The following LMO7 variants were observed in gnomAD, a reference collection of about 807,000 sequenced individuals.
LMO7 encodes the protein LIM domain only protein 7.
Under a neutral mutation model 206.5 loss-of-function variants are expected in LMO7, and 120 were observed. The observed-to-expected ratio is 0.58, with a 90% CI of 0.50 to 0.68. The LOEUF (loss-of-function observed/expected upper bound fraction) is 0.68, where lower values mean the gene tolerates loss of function less well. LMO7 is among the 30% of genes least tolerant of loss of function. LMO7 has a pLI of 0.00. For missense variants in LMO7, 1,959 were observed against 1,957.9 expected (o/e 1.00, Z -0.01); for synonymous variants, 706 against 681.5 (o/e 1.04, Z -0.56).
At chr13:75,648,931 A>C (rs2037298202) in intron 1 of LMO7, among the ~76,000 whole-genome samples, 1 of 152,226 alleles carries the variant, frequency 6.6e-6, no homozygotes, top group South Asian at 2.1e-4. Flanking sequence ...GGTGGACAGC[A>C]AAGCTACAGG....
At position 75,658,060 on chromosome 13, in the gene LMO7, C is replaced by CT. The variant is rs989741786; in HGVS notation, c.69+21345dup. Among the ~76,000 whole-genome samples the CT allele has an allele frequency of 6.0e-4, 87 of 143,890 alleles. 1 individual carries two copies. The highest frequency in any genetic ancestry group is 3.6e-3 in the Admixed American group (52 of 14,442). The allele number at this position is 143,890 out of a possible 152,430, so 94.4% of individuals were successfully genotyped here. ...CCAACCTTTCCCAGCACCGTTTTGGCTTTTTTTTTTTCCCCTTCAGTTTTC... is the reference window on the plus strand; with the variant it reads ...CCAACCTTTCCCAGCACCGTTTTGGCTTTTTTTTTTTTCCCCTTCAGTTTTC... On this transcript the variant is annotated intron_variant, in intron 1 of 30. Coordinates refer to ENST00000377534, the MANE Select transcript of LMO7 (RefSeq NM_001306080.2).
intron 1 of LMO7, chr13:75,623,266 C>A (rs766342996): frequency 2.9e-6 from 4 of 1,368,618 alleles, no homozygotes; most frequent in East Asian, 2.3e-5. Context: ...TGACTTTTTA[C>A]ACAGATATAA....
rs2055353987 is a variant in LMO7, at chr13:75,805,675, A to G, written c.1111A>G (p.Lys371Glu). 2 of 1,614,054 alleles carry G rather than the reference A, an allele frequency of 1.2e-6. No homozygotes were observed. Residue 371 changes from lysine to glutamate, a missense_variant, in exon 9 of 31, where the codon AAA becomes GAA. Lys to Glu is a moderately conservative substitution (Grantham distance 56). Transcript: ENST00000377534. Reference protein sequence around the residue: ...PGNAFDQFLPKCWTPEDVNWK... With the variant: ...PGNAFDQFLPECWTPEDVNWK... Reference sequence around the variant, plus strand: ...GAATGCTTTTGATCAGTTTCTTCCCAAATGTTGGACCCCAGAAGATGTGAA... The same window carrying G: ...GAATGCTTTTGATCAGTTTCTTCCCGAATGTTGGACCCCAGAAGATGTGAA...
rs532408196 is a variant in LMO7 at position 75,768,417 on chromosome 13, GAACA to G, written c.317+7380_317+7383del. On this transcript the variant is annotated intron_variant, in intron 4 of 30. Transcript: ENST00000377534. ...TAGAATAGCAAAGCTGGAGAACAGA[GAACA>G]GACAGCTAAGTTATTTGCTCTTGCC... is the stretch of plus-strand genomic sequence containing the variant. 1.8e-4 allele frequency among the ~76,000 whole-genome samples: 27 copies of G among 152,198 alleles called. No homozygotes were observed. The East Asian group carries it at 4.2e-3, about 24-fold the overall frequency.
At chr13:75,713,101 A>G (rs2043251832) in intron 1 of LMO7, 81 bp from the exon 2 acceptor site, 4 of 892,946 alleles carry the variant, frequency 4.5e-6, no homozygotes, top group Admixed American at 4.3e-5. Context: ...CATTAAATGC[A>G]TATTAATTAA....
rs573045899 is a variant in LMO7, at chr13:75,717,113, C to T, written c.140+3861C>T. Among the ~76,000 whole-genome samples, 8 of 152,126 alleles carry T rather than the reference C, an allele frequency of 5.3e-5. No individual in the cohort carries two copies. The East Asian group carries it at 1.5e-3, about 29-fold the overall frequency. ...GCGCGGTGGCTCACGCCTGTAATCC[C>T]TGCACTTTGGGAGTCCGAGGCGGGC... On this transcript the variant is annotated intron_variant, in intron 2 of 30. Coordinates refer to ENST00000377534, the MANE Select transcript of LMO7 (RefSeq NM_001306080.2).
chr13:75,845,195 A>T (rs2059892430), intron 25 of LMO7, 132 bp from the exon 26 acceptor site: 2 of 480,114 alleles, frequency 4.2e-6, no homozygotes, highest in South Asian at 7.3e-5. Context: ...TGGTTTAAAC[A>T]TAATTGCTCT....
At chr13:75,788,289 C>G (rs1351797796) in intron 4 of LMO7, among the ~76,000 whole-genome samples, 1 of 151,990 alleles carries the variant, frequency 6.6e-6, no homozygotes, top group Non-Finnish European at 1.5e-5. Flanking sequence ...GAAACCCCAT[C>G]TCTACTAAAA....
At chr13:75,718,636 A>G (rs2043759153) in intron 2 of LMO7, among the ~76,000 whole-genome samples, 2 of 152,102 alleles carry the variant, frequency 1.3e-5, no homozygotes, top group South Asian at 4.2e-4. Flanking sequence ...ACCTACATTG[A>G]CACATCATCA....
At chr13:75,783,541 TG>T (rs909206698) in intron 4 of LMO7, among the ~76,000 whole-genome samples, 18 of 152,218 alleles carry the variant, frequency 1.2e-4, no homozygotes, top group Admixed American at 1.1e-3. Flanking sequence ...CAGGCTGGTC[TG>T]GAACTCCTGA....
At position 75,660,716 on chromosome 13, in the gene LMO7, C is replaced by G. The variant is rs551528695; in HGVS notation, c.69+23990C>G. Among the ~76,000 whole-genome samples, 7 of 152,260 alleles carry G rather than the reference C, an allele frequency of 4.6e-5. No individual in the cohort carries two copies. The South Asian group carries it at 1.0e-3, about 23-fold the overall frequency. On this transcript the variant is annotated intron_variant, in intron 1 of 30. Coordinates refer to ENST00000377534, the MANE Select transcript of LMO7 (RefSeq NM_001306080.2). ...CTCAGGAGGTTGTAGAGTAGGCCAT[C>G]TACTGTGCTGTCTATGAGTAGAAGG...
intron 1 of LMO7, among the ~76,000 whole-genome samples, chr13:75,687,634 A>G (rs2041124192): frequency 6.6e-6 from 1 of 151,890 alleles, no homozygotes; most frequent in African/African-American, 2.4e-5. Flanking sequence ...GAAATATTTT[A>G]TTCAAAGGAA....
intron 3 of LMO7, among the ~76,000 whole-genome samples, chr13:75,730,515 C>T (rs1207287725): frequency 5.9e-5 from 9 of 152,112 alleles, no homozygotes; most frequent in Middle Eastern, 3.4e-3. Flanking sequence ...TGATTCTTCT[C>T]TCTTTTTTCC....
rs1442225579 is a variant in LMO7, at chr13:75,764,702, A to G, written c.317+3664A>G. 2.0e-5 allele frequency among the ~76,000 whole-genome samples: 3 copies of G among 152,152 alleles called. No individual in the cohort carries two copies. In the East Asian group the frequency reaches 5.8e-4, roughly 29 times the overall value. On this transcript the variant is annotated intron_variant, in intron 4 of 30. Coordinates refer to ENST00000377534, the MANE Select transcript of LMO7 (RefSeq NM_001306080.2). The stretch of plus-strand genomic sequence containing the variant: ...TCAAAAATTTTAAGCTGAGAAATTG[A>G]ACAGATTGTAAACATGTTTCTTCTT...
chr13:75,852,163 T>C (rs2060550324), intron 27 of LMO7, among the ~76,000 whole-genome samples: 1 of 152,228 alleles, frequency 6.6e-6, no homozygotes, highest in Non-Finnish European at 1.5e-5. Context: ...TTAGCTCTTA[T>C]TTTAAAAATA....
chr13:75,707,948 G>A (rs1236216298), intron 1 of LMO7, among the ~76,000 whole-genome samples: 1 of 151,784 alleles, frequency 6.6e-6, no homozygotes, highest in African/African-American at 2.4e-5. Flanking sequence ...GGATAGTTGG[G>A]TTTTCTGAAT....
At chr13:75,804,572 G>A (rs757188489) in intron 8 of LMO7, 31 bp downstream of exon 8, 49 of 1,597,276 alleles carry the variant, frequency 3.1e-5, no homozygotes, top group Non-Finnish European at 3.9e-5. Flanking sequence ...ATTGAGTTTC[G>A]TATGCTTTTC....
rs2139843123 is a variant in LMO7 at position 75,859,291 on chromosome 13, G to A, written c.*1348G>A. ...TTCTGATTATTATTAAAGTAATAAT[G>A]TGTTCCTTGAGGATAACTTGTCAAA... On this transcript the variant is annotated 3_prime_UTR_variant, in exon 31 of 31. Transcript: ENST00000377534. 1 of 152,268 alleles carries A rather than the reference G, an allele frequency of 6.6e-6. No individual in the cohort carries two copies. Among genetic ancestry groups the A allele is most frequent in the South Asian group, 2.1e-4 (1 of 4,820 alleles). 9.4% of individuals were successfully genotyped at this position (152,268 alleles called of 1,614,324 possible). A position where few individuals can be genotyped will look rare whatever the true frequency, so the allele number is the denominator to read the frequency against.
intron 7 of LMO7, 173 bp from the exon 8 acceptor site, chr13:75,804,116 G>A (rs2055134011): frequency 9.5e-6 from 6 of 632,932 alleles, no homozygotes; most frequent in African/African-American, 5.5e-5. Flanking sequence ...TGCAAAGCAA[G>A]TTCCTCCTAA....
Sources: gnomAD v4.1 joint callset for allele counts (sites outside exome capture counted in the v4.1 genomes callset) on GRCh38, gnomAD v4.1.1 for gene constraint, MANE v1.5 for transcripts, NCBI Gene and HGNC (gene_info 2026-07-23, HGNC 2026-07-21) for gene names.